Variants in USP7 observed in about 807,000 individuals in gnomAD.
USP7 encodes the protein ubiquitin specific peptidase 7.
A neutral mutation model predicts 162.9 loss-of-function variants in USP7; 9 were observed. The observed-to-expected ratio is 0.06, with a 90% confidence interval of 0.03 to 0.10. The LOEUF is 0.10. USP7 is among the 10% of genes least tolerant of loss of function. The probability of loss-of-function intolerance (pLI) is 1.00; values close to 1 mark genes in which losing one functional copy is unlikely to be tolerated. For missense variants in USP7, 715 were observed against 1,373.7 expected (o/e 0.52, Z 7.58); for synonymous variants, 562 against 475.9 (o/e 1.18, Z -2.35).
intron 2 of USP7, among the ~76,000 whole-genome samples, chr16:8,923,909 C>T (rs546925416): frequency 2.0e-5 from 3 of 152,248 alleles, no homozygotes; most frequent in South Asian, 4.2e-4. Flanking sequence ...TGCTCAGAGG[C>T]AAGACAAGGG....
intron 18 of USP7, 102 bp downstream of exon 18, chr16:8,901,980 T>C: frequency 1.0e-6 from 1 of 964,036 alleles, no homozygotes; most frequent in Non-Finnish European, 1.6e-6. Context: ...TCAACACATC[T>C]TTCTGCAAGG....
rs1298933009 is a variant in USP7, at chr16:8,892,554, C to G, written c.*1444G>C. ...CCAGTCACCTTATTTGTACACAGTT[C>G]TCTCCTGGAAAACCTTTCATTTCTT... On this transcript the variant is annotated 3_prime_UTR_variant, in exon 31 of 31. Transcript: ENST00000344836. The G allele has an allele frequency of 6.8e-6, 1 of 147,200 alleles. No individual in the cohort carries two copies. The highest frequency in any genetic ancestry group is 2.5e-5 in the African/African-American group (1 of 39,826). The allele number at this position is 147,200 out of a possible 1,614,324, so 9.1% of individuals were successfully genotyped here. A position where few individuals can be genotyped will look rare whatever the true frequency, so the allele number is the denominator to read the frequency against.
intron 1 of USP7, among the ~76,000 whole-genome samples, chr16:8,962,116 C>G (rs1013105213): frequency 6.6e-6 from 1 of 152,218 alleles, no homozygotes; most frequent in Non-Finnish European, 1.5e-5. Context: ...AGCCACCGCA[C>G]AGGACAAATA....
chr16:8,950,466 A>T (rs1467652597), intron 1 of USP7, among the ~76,000 whole-genome samples: 3 of 152,242 alleles, frequency 2.0e-5, no homozygotes, highest in African/African-American at 7.2e-5. Context: ...GAGTAAATGC[A>T]GATGTGTGGT....
chr16:8,907,755 A>G (rs899718430), intron 12 of USP7, among the ~76,000 whole-genome samples: 13 of 152,194 alleles, frequency 8.5e-5, no homozygotes, highest in African/African-American at 3.1e-4. Context: ...TCAAGGCTGC[A>G]GTGAGCCATG....
At chr16:8,911,554 C>G (rs1172292638) in intron 10 of USP7, among the ~76,000 whole-genome samples, 1 of 152,202 alleles carries the variant, frequency 6.6e-6, no homozygotes, top group Non-Finnish European at 1.5e-5. Flanking sequence ...CTGTCACGCT[C>G]CGGACACATG....
chr16:8,929,109 C>T (rs1196831253), intron 2 of USP7, among the ~76,000 whole-genome samples: 2 of 152,152 alleles, frequency 1.3e-5, no homozygotes, highest in African/African-American at 4.8e-5. Flanking sequence ...GAACTAGACC[C>T]GGAATGTTCC....
chr16:8,921,873 T>C (rs1258681290), intron 3 of USP7, among the ~76,000 whole-genome samples: 3 of 152,162 alleles, frequency 2.0e-5, no homozygotes, highest in Non-Finnish European at 4.4e-5. Context: ...ATACAGCACT[T>C]AAGCCAAAGA....
At chr16:8,932,924 A>C (rs1267297258) in intron 1 of USP7, among the ~76,000 whole-genome samples, 1 of 152,192 alleles carries the variant, frequency 6.6e-6, no homozygotes, top group African/African-American at 2.4e-5. Flanking sequence ...AGGCCTATTA[A>C]ATAAATTATG....
chr16:8,904,057 C>G (rs1374830376), intron 15 of USP7, among the ~76,000 whole-genome samples: 2 of 152,178 alleles, frequency 1.3e-5, no homozygotes, highest in African/African-American at 4.8e-5. Flanking sequence ...GGTGGCCTGA[C>G]TTCTGACAAC....
At chr16:8,904,375 GTA>G in intron 15 of USP7, 58 bp downstream of exon 15, 1 of 1,597,288 alleles carries the variant, frequency 6.3e-7, no homozygotes, top group Non-Finnish European at 8.5e-7. Flanking sequence ...CTGCACTTGT[GTA>G]TAGAGATGGG....
At chr16:8,903,150 T>C in intron 16 of USP7, 118 bp downstream of exon 16, 2 of 1,360,100 alleles carry the variant, frequency 1.5e-6, no homozygotes, top group Admixed American at 2.2e-5. Flanking sequence ...CTCCTCACTG[T>C]TAGGCAGTGG....
chr16:8,942,002 C>T (rs973124628), intron 1 of USP7, among the ~76,000 whole-genome samples: 1 of 152,198 alleles, frequency 6.6e-6, no homozygotes, highest in Non-Finnish European at 1.5e-5. Flanking sequence ...AACTGGCAAG[C>T]ACAGAGTGGC....
At chr16:8,900,464 G>A (rs2061757292) in intron 21 of USP7, 66 bp downstream of exon 21, 1 of 1,206,626 alleles carries the variant, frequency 8.3e-7, no homozygotes, top group Non-Finnish European at 1.1e-6. Flanking sequence ...AATGTTTCTT[G>A]GTTCTACAAC....
chr16:8,916,138 G>A (rs1596373387), intron 8 of USP7, among the ~76,000 whole-genome samples: 1 of 152,202 alleles, frequency 6.6e-6, no homozygotes, highest in East Asian at 1.9e-4. Flanking sequence ...GAGGGGTCTG[G>A]ACACTGGAGT....
At chr16:8,918,893 G>A (rs765920458) in intron 6 of USP7, 138 bp downstream of exon 6, 6 of 809,758 alleles carry the variant, frequency 7.4e-6, no homozygotes, top group Non-Finnish European at 1.0e-5. Context: ...GAATGAAAAC[G>A]CAGCATGAAC....
chr16:8,946,460 T>TA (rs1899286024), intron 1 of USP7, among the ~76,000 whole-genome samples: 1 of 152,140 alleles, frequency 6.6e-6, no homozygotes, highest in Non-Finnish European at 1.5e-5. Context: ...CAGAAAGACT[T>TA]ATGCTCCAGA....
chr16:8,955,677 G>T, intron 1 of USP7, among the ~76,000 whole-genome samples: 1 of 128,596 alleles, frequency 7.8e-6, no homozygotes, highest in East Asian at 2.5e-4. Context: ...CTGCACTCCA[G>T]CCTGGCAACA....
At position 8,915,534 on chromosome 16, in the gene USP7, G is replaced by A; in HGVS notation, c.907-9C>T. 1 of 1,611,738 alleles carries A rather than the reference G, an allele frequency of 6.2e-7. No homozygotes were observed. Among genetic ancestry groups the A allele is most frequent in the East Asian group, 2.2e-5 (1 of 44,840 alleles). ...TCCACATTATCGAGCAACTGAAAAA[G>A]AATGTTTTGGCTTTAAAAAAACTTT... On this transcript the variant is annotated splice_polypyrimidine_tract_variant and intron_variant, in intron 8 of 30. Transcript: ENST00000344836.
Sources: gnomAD v4.1 joint callset for allele counts (sites outside exome capture counted in the v4.1 genomes callset) on GRCh38, gnomAD v4.1.1 for gene constraint, MANE v1.5 for transcripts, NCBI Gene and HGNC (gene_info 2026-07-23, HGNC 2026-07-21) for gene names.